Variants in NRG1 observed in about 807,000 individuals in gnomAD.
The protein encoded by NRG1 is neuregulin 1.
Under a neutral mutation model 63.8 loss-of-function variants are expected in NRG1, and 18 were observed. That is an observed-to-expected ratio of 0.28 (90% confidence interval 0.19 to 0.42). The LOEUF (loss-of-function observed/expected upper bound fraction) is 0.42. Among genes scored for constraint, NRG1 ranks in the 10% least tolerant of loss-of-function variants. The pLI, the probability that NRG1 is intolerant of heterozygous loss-of-function variation, is 1.00. For missense variants in NRG1, 762 were observed against 814.7 expected, an observed-to-expected ratio of 0.94 and a Z score of 0.79; for synonymous variants, 302 against 301.3, an observed-to-expected ratio of 1.00 and a Z score of -0.02.
At chr8:31,650,317 A>G (rs1220213421) in intron 1 of NRG1, among the ~76,000 whole-genome samples, 1 of 152,100 alleles carries the variant, frequency 6.6e-6, no homozygotes, top group African/African-American at 2.4e-5. Flanking sequence ...CCTACTTAGA[A>G]AGTTTCAATG....
chr8:32,282,212 A>G (rs1188406723), intron 1 of NRG1, among the ~76,000 whole-genome samples: 1 of 152,194 alleles, frequency 6.6e-6, no homozygotes, highest in African/African-American at 2.4e-5. Flanking sequence ...TGGACAAAGT[A>G]TCACCCACAA....
chr8:31,680,230 C>G (rs906256680), intron 1 of NRG1, among the ~76,000 whole-genome samples: 1 of 151,478 alleles, frequency 6.6e-6, no homozygotes, highest in African/African-American at 2.4e-5. Flanking sequence ...CATGCTGGTG[C>G]GCTGCACCCA....
chr8:31,647,802 C>G (rs1386545564), intron 1 of NRG1, among the ~76,000 whole-genome samples: 1 of 152,180 alleles, frequency 6.6e-6, no homozygotes, highest in African/African-American at 2.4e-5. Context: ...CACATCTTGT[C>G]CTCAGGAACA....
chr8:32,747,631 G>T (rs1321177922), intron 7 of NRG1, among the ~76,000 whole-genome samples: 4 of 151,332 alleles, frequency 2.6e-5, no homozygotes, highest in African/African-American at 7.3e-5. Context: ...TGTGTACACT[G>T]GACCCAAGGC....
chr8:31,916,614 T>A (rs971469924), intron 1 of NRG1, among the ~76,000 whole-genome samples: 5 of 152,204 alleles, frequency 3.3e-5, no homozygotes, highest in Admixed American at 3.3e-4. Flanking sequence ...TTGTTGGACA[T>A]TTGGGTTGGT....
intron 1 of NRG1, among the ~76,000 whole-genome samples, chr8:32,538,559 C>T (rs1307067246): frequency 6.6e-6 from 1 of 152,168 alleles, no homozygotes; most frequent in Non-Finnish European, 1.5e-5. Context: ...ATCCCTCAAA[C>T]TGTAACTTTT....
At chr8:31,918,554 A>T (rs1005718058) in intron 1 of NRG1, among the ~76,000 whole-genome samples, 1 of 152,150 alleles carries the variant, frequency 6.6e-6, no homozygotes, top group African/African-American at 2.4e-5. Flanking sequence ...GATGAAGCCC[A>T]CTTGATCATG....
At chr8:32,614,310 C>T (rs959998157) in intron 3 of NRG1, 6 of 449,494 alleles carry the variant, frequency 1.3e-5, no homozygotes, top group African/African-American at 3.9e-5. Context: ...TGATTTTATG[C>T]TCTTTGCATA....
chr8:31,988,037 G>A (rs1810391452), intron 1 of NRG1, among the ~76,000 whole-genome samples: 1 of 152,076 alleles, frequency 6.6e-6, no homozygotes, highest in Non-Finnish European at 1.5e-5. Flanking sequence ...ATACCACACT[G>A]CCCCAAAGGA....
At chr8:31,882,141 G>A (rs1269140673) in intron 1 of NRG1, among the ~76,000 whole-genome samples, 1 of 151,968 alleles carries the variant, frequency 6.6e-6, no homozygotes, top group African/African-American at 2.4e-5. Flanking sequence ...TAATGCAGCA[G>A]GTGACCTTAA....
At chr8:32,367,567 C>T (rs1341056381) in intron 1 of NRG1, among the ~76,000 whole-genome samples, 1 of 152,102 alleles carries the variant, frequency 6.6e-6, no homozygotes, top group African/African-American at 2.4e-5. Flanking sequence ...ATACAAGGAA[C>T]TCAAACTATA....
intron 1 of NRG1, among the ~76,000 whole-genome samples, chr8:32,233,540 TA>T (rs1847186383): frequency 5.5e-5 from 3 of 54,142 alleles, no homozygotes; most frequent in African/African-American, 3.9e-4. Flanking sequence ...CGAAAGAATA[TA>T]TATATATATA....
intron 1 of NRG1, among the ~76,000 whole-genome samples, chr8:32,203,945 G>A (rs1368922467): frequency 6.6e-6 from 1 of 152,098 alleles, no homozygotes; most frequent in South Asian, 2.1e-4. Context: ...AGGATATATT[G>A]AGATACAAAA....
chr8:31,702,170 G>A (rs1439246711), intron 1 of NRG1, among the ~76,000 whole-genome samples: 1 of 152,168 alleles, frequency 6.6e-6, no homozygotes, highest in Non-Finnish European at 1.5e-5. Flanking sequence ...GGAAACAGTT[G>A]GACAGAGATC....
intron 1 of NRG1, chr8:32,098,617 T>C (rs1454568550): frequency 3.9e-5 from 6 of 152,202 alleles, no homozygotes; most frequent in African/African-American, 4.8e-5. Flanking sequence ...TAGTGTAAAA[T>C]GTTTCACAGA....
intron 1 of NRG1, among the ~76,000 whole-genome samples, chr8:32,503,777 C>T (rs1341428140): frequency 6.6e-6 from 1 of 152,072 alleles, no homozygotes; most frequent in Admixed American, 6.5e-5. Context: ...GAGTGAGAGA[C>T]CGAGGCAAGT....
rs868090397 is a variant in NRG1 at position 31,809,036 on chromosome 8, A to T, written c.37+169605A>T. Among the ~76,000 whole-genome samples, 44 of 152,144 alleles carry T rather than the reference A, an allele frequency of 2.9e-4. 1 individual carries two copies. The highest frequency in any genetic ancestry group is 9.4e-4 in the African/African-American group (39 of 41,546). On this transcript the variant is annotated intron_variant, in intron 1 of 10. Transcript: ENST00000519301. Reference sequence around the variant, plus strand: ...GGTTAATACTTTGGCTAGATTTAGAATTTAAAATTATGAAATGTTTTTCTA... The same window carrying T: ...GGTTAATACTTTGGCTAGATTTAGATTTTAAAATTATGAAATGTTTTTCTA...
chr8:32,433,475 G>A (rs180766327), intron 1 of NRG1, among the ~76,000 whole-genome samples: 1 of 152,198 alleles, frequency 6.6e-6, no homozygotes, highest in East Asian at 1.9e-4. Context: ...TTTCCCTTTT[G>A]GGCTTGTATT....
rs569302148 is a variant in NRG1 at position 32,504,976 on chromosome 8, G to A, written c.38-90852G>A. ...TTACATATCAAAGAGATGGCCCTCAGGTCCTTGAGAAGACAGTTTTGGGTG... is the reference window on the plus strand; with the variant it reads ...TTACATATCAAAGAGATGGCCCTCAAGTCCTTGAGAAGACAGTTTTGGGTG... On this transcript the variant is annotated intron_variant, in intron 1 of 10. Transcript: ENST00000519301. Among the ~76,000 whole-genome samples, 24 of 152,278 alleles carry A rather than the reference G, an allele frequency of 1.6e-4. No individual in the cohort carries two copies. In the South Asian group the frequency reaches 2.1e-3, roughly 13 times the overall value.
Sources: allele counts gnomAD v4.1 joint callset (sites outside exome capture counted in the v4.1 genomes callset), GRCh38; gene constraint gnomAD v4.1.1; transcripts MANE v1.5; gene names NCBI Gene and HGNC (gene_info 2026-07-23, HGNC 2026-07-21).